AP4E1: variants seen among roughly 807,000 people sequenced by gnomAD.
AP4E1 encodes the protein adaptor related protein complex 4 subunit epsilon 1.
Under a neutral mutation model 128.2 loss-of-function variants are expected in AP4E1, and 56 were observed. The observed-to-expected ratio is 0.44, with a 90% confidence interval of 0.35 to 0.55. The LOEUF (loss-of-function observed/expected upper bound fraction) is 0.55, where lower values mean the gene tolerates loss of function less well. Among genes scored for constraint, AP4E1 ranks in the 20% least tolerant of loss-of-function variants. The probability of loss-of-function intolerance (pLI) is 0.00; values close to 1 mark genes in which losing one functional copy is unlikely to be tolerated. For synonymous variants in AP4E1, 484 were observed against 473.1 expected, an observed-to-expected ratio of 1.02 and a Z score of -0.30; for missense variants, 1,324 against 1,307.7, an observed-to-expected ratio of 1.01 and a Z score of -0.19.
chr15:50,915,635 A>G, intron 3 of AP4E1, 64 bp downstream of exon 3: 1 of 1,530,964 alleles, frequency 6.5e-7, no homozygotes, highest in Non-Finnish European at 9.0e-7. Flanking sequence ...CTATTATACA[A>G]AATGAATGAT....
chr15:50,914,747 T>C (rs899359474), intron 2 of AP4E1, among the ~76,000 whole-genome samples: 1 of 152,062 alleles, frequency 6.6e-6, no homozygotes, highest in Non-Finnish European at 1.5e-5. Flanking sequence ...TCCATAAATA[T>C]TGAGAATGCA....
rs889956591 is a variant in AP4E1 at position 50,929,013 on chromosome 15, A to T, written c.547A>T (p.Ile183Phe). ...AATTTCATTTTTTGTCTTCAGGGAG[A>T]TTGTACGAAGAAAAGCTGTTCTGGC... is the stretch of plus-strand genomic sequence containing the variant. ...IEDKLQHSKE[I>F]VRRKAVLALY... The change falls in exon 6 of 21, where the codon ATT (isoleucine) becomes TTT (phenylalanine). Residue 183 changes from isoleucine (I) to phenylalanine (F), a missense_variant. By Grantham distance (21) the Ile-to-Phe change is conservative. Transcript: ENST00000261842. 5.6e-6 allele frequency: 9 copies of T among 1,613,596 alleles called. No homozygotes were observed. The African/African-American group carries it at 1.2e-4, about 22-fold the overall frequency.
intron 3 of AP4E1, chr15:50,917,894 GT>G: frequency 6.5e-6 from 1 of 152,790 alleles, no homozygotes; most frequent in Middle Eastern, 3.3e-3. Context: ...GAGCTCAGAA[GT>G]TGGAGACCAG....
intron 17 of AP4E1, among the ~76,000 whole-genome samples, chr15:50,994,201 A>G (rs1351741840): frequency 6.6e-6 from 1 of 152,220 alleles, no homozygotes; most frequent in East Asian, 1.9e-4. Context: ...TTATATTCAG[A>G]TATTAAGATT....
intron 5 of AP4E1, among the ~76,000 whole-genome samples, chr15:50,926,912 T>C (rs995997095): frequency 1.3e-4 from 20 of 152,208 alleles, no homozygotes; most frequent in African/African-American, 4.6e-4. Flanking sequence ...TTAAGAAATA[T>C]TGAATCATGA....
At chr15:50,970,863 A>G (rs1286728287) in intron 15 of AP4E1, among the ~76,000 whole-genome samples, 1 of 152,174 alleles carries the variant, frequency 6.6e-6, no homozygotes, top group East Asian at 1.9e-4. Flanking sequence ...TTTACATTCA[A>G]GGTTATTATT....
intron 3 of AP4E1, 97 bp from the exon 4 acceptor site, chr15:50,923,834 T>C: frequency 1.2e-6 from 1 of 862,738 alleles, no homozygotes; most frequent in Non-Finnish European, 1.9e-6. Context: ...TACTTGTAAC[T>C]GGTATCTTTG....
chr15:50,947,878 AT>A, intron 10 of AP4E1, 141 bp from the exon 11 acceptor site: 3 of 667,876 alleles, frequency 4.5e-6, no homozygotes, highest in Non-Finnish European at 7.4e-6. Context: ...TGAAATTTGC[AT>A]TTCTTACCTG....
chr15:50,947,562 G>A (rs571248751), intron 10 of AP4E1, among the ~76,000 whole-genome samples: 2 of 152,152 alleles, frequency 1.3e-5, no homozygotes, highest in Non-Finnish European at 2.9e-5. Context: ...CACTCAAGTG[G>A]TGTCTTCTGT....
chr15:50,918,444 G>A (rs936482), intron 3 of AP4E1, among the ~76,000 whole-genome samples: 119,945 of 152,124 alleles, frequency 0.79, 47,777 homozygotes, highest in African/African-American at 0.89. Context: ...TTTGAAAACA[G>A]TAGATAGTTA....
chr15:50,971,358 C>T (rs1416156679), intron 15 of AP4E1, among the ~76,000 whole-genome samples: 2 of 152,094 alleles, frequency 1.3e-5, no homozygotes, highest in Non-Finnish European at 2.9e-5. Context: ...TGATGCTTTT[C>T]TCTTGCTGCT....
At position 50,929,093 on chromosome 15, in the gene AP4E1, G is replaced by C. The variant is rs373125059; in HGVS notation, c.627G>C (p.Lys209Asn). The change falls in exon 6 of 21, where the codon AAG becomes AAC. Residue 209 changes from lysine to asparagine, a missense_variant. Lys to Asn is a moderately conservative substitution (Grantham distance 94). Coordinates refer to ENST00000261842, the MANE Select transcript of AP4E1 (RefSeq NM_007347.5). ...ATCAAGTACAACATATTCATATTAA[G>C]TTTCGGAAAGCACTTTGTGACAGAG... ...APNQVQHIHI[K>N]FRKALCDRDV... 4.3e-6 allele frequency: 7 copies of C among 1,613,718 alleles called. No homozygotes were observed. The highest frequency in any genetic ancestry group is 5.1e-6 in the Non-Finnish European group (6 of 1,179,896).
Position 50,993,379 on chromosome 15 carries a change from C to G in AP4E1, c.2100C>G (p.Ser700Arg). The G allele has an allele frequency of 6.2e-7, 1 of 1,613,868 alleles. No homozygotes were observed. Among genetic ancestry groups the G allele is most frequent in the Non-Finnish European group, 8.5e-7 (1 of 1,179,892 alleles). Residue 700 changes from serine (S) to arginine (R), a missense_variant, in exon 17 of 21, where the codon AGC (serine) becomes AGG (arginine). Physicochemically the swap from Ser to Arg is moderately radical, Grantham distance 110 (BLOSUM62 -1). Transcript: ENST00000261842. Reference protein sequence around the residue: ...SAETGLKETNSLKLEGIKKLW... With the variant: ...SAETGLKETNRLKLEGIKKLW... ...TTATCAACCTCCTTAGGACAAATAG[C>G]TTGAAGCTGGAAGGTATAAAGAAAT...
In AP4E1 at chr15:50,908,913, C is replaced by T. The variant is rs2063530735; in HGVS notation, c.135C>T (p.Ala45=). The change falls in exon 1 of 21, where the codon GCC becomes GCT. Residue 45 remains alanine (A), a synonymous_variant. Transcript: ENST00000261842. ...GCAGCCTTGTCCGCGGCATCACAGCCCTCACCTCCAAGCACGTAGGTGCCC... is the reference window on the plus strand; with the variant it reads ...GCAGCCTTGTCCGCGGCATCACAGCTCTCACCTCCAAGCACGTAGGTGCCC... ...RLGSLVRGIT[A]LTSKHEEEKL... 1.2e-6 allele frequency: 2 copies of T among 1,611,068 alleles called. No individual in the cohort carries two copies. The highest frequency in any genetic ancestry group is 1.1e-5 in the South Asian group (1 of 90,824).
intron 3 of AP4E1, among the ~76,000 whole-genome samples, chr15:50,916,334 T>G (rs1281725307): frequency 6.6e-6 from 1 of 152,242 alleles, no homozygotes; most frequent in Admixed American, 6.5e-5. Flanking sequence ...TTTAAATATC[T>G]TGTTCTTAGC....
chr15:50,933,900 C>G (rs539168195), intron 7 of AP4E1, among the ~76,000 whole-genome samples: 120 of 150,830 alleles, frequency 8.0e-4, no homozygotes, highest in Middle Eastern at 3.4e-3. Flanking sequence ...TTTTTTTCTT[C>G]TATTAGTGCT....
At chr15:50,954,457 T>TTTG (rs900199359) in intron 13 of AP4E1, among the ~76,000 whole-genome samples, 33 of 152,004 alleles carry the variant, frequency 2.2e-4, no homozygotes, top group South Asian at 4.2e-4. Context: ...AATAGTTCAG[T>TTTG]TTGTTGTTGT....
At chr15:50,987,360 G>T (rs1477076458) in intron 16 of AP4E1, among the ~76,000 whole-genome samples, 1 of 151,990 alleles carries the variant, frequency 6.6e-6, no homozygotes, top group Non-Finnish European at 1.5e-5. Context: ...GAATGTGTTT[G>T]CTCTTGCTTC....
At chr15:50,976,519 G>T (rs1360870835) in intron 15 of AP4E1, among the ~76,000 whole-genome samples, 1 of 152,124 alleles carries the variant, frequency 6.6e-6, no homozygotes, top group Non-Finnish European at 1.5e-5. Context: ...ACACAGTACT[G>T]GAAGTATTAG....
Sources: gnomAD v4.1 joint callset for allele counts (sites outside exome capture counted in the v4.1 genomes callset) on GRCh38, gnomAD v4.1.1 for gene constraint, MANE v1.5 for transcripts, NCBI Gene and HGNC (gene_info 2026-07-23, HGNC 2026-07-21) for gene names.